AHNAK: variants seen among roughly 807,000 people sequenced by gnomAD.
The protein encoded by AHNAK is neuroblast differentiation-associated protein AHNAK.
AHNAK carries 23 observed loss-of-function variants against 37.8 expected under a neutral mutation model. That is an observed-to-expected ratio of 0.61 (90% CI 0.44 to 0.86). The LOEUF (loss-of-function observed/expected upper bound fraction) is 0.86. Among genes scored for constraint, AHNAK ranks in the 40% least tolerant of loss-of-function variants. The pLI is 0.00. For missense variants in AHNAK, 7,411 were observed against 7,319.4 expected, an observed-to-expected ratio of 1.01 and a Z score of -0.46; for synonymous variants, 2,481 against 2,636.3, an observed-to-expected ratio of 0.94 and a Z score of 1.80.
chr11:62,469,557 C>T (rs1938986794), intron 5 of AHNAK, among the ~76,000 whole-genome samples: 1 of 151,884 alleles, frequency 6.6e-6, no homozygotes, highest in Admixed American at 6.6e-5. Context: ...CTCCGCCTCC[C>T]AGGTTCAAGC....
At position 62,528,313 on chromosome 11, in the gene AHNAK, G is replaced by A. The variant is rs756019925; in HGVS notation, c.6104C>T (p.Pro2035Leu). Reference protein sequence around the residue: ...IKGPKMDIDAPDVDVHGPDWH... With the variant: ...IKGPKMDIDALDVDVHGPDWH... ...GTCTGGGCCATGAACATCCACATCT[G>A]GGGCATCAATGTCCATTTTGGGTCC... Residue 2035 changes from proline (P) to leucine (L), a missense_variant, in exon 5 of 5, where the codon CCA (proline) becomes CTA (leucine). Pro to Leu is a moderately conservative substitution (Grantham distance 98). Transcript: ENST00000378024. The A allele has an allele frequency of 6.2e-7, 1 of 1,614,106 alleles. No homozygotes were observed. The highest frequency in any genetic ancestry group is 1.1e-5 in the South Asian group (1 of 91,070).
chr11:62,483,443 C>T (rs938898773), intron 5 of AHNAK, among the ~76,000 whole-genome samples: 2 of 152,178 alleles, frequency 1.3e-5, no homozygotes, highest in South Asian at 2.1e-4. Context: ...CAAGAAAGGG[C>T]GGGCCGGGCG....
At position 62,526,241 on chromosome 11, in the gene AHNAK, C is replaced by A. The variant is rs749354718; in HGVS notation, c.8176G>T (p.Asp2726Tyr). 56 of 1,613,682 alleles carry A rather than the reference C, an allele frequency of 3.5e-5. No homozygotes were observed. The highest frequency in any genetic ancestry group is 4.6e-5 in the Non-Finnish European group (54 of 1,179,972). The change falls in exon 5 of 5, where the codon GAT becomes TAT. Residue 2726 changes from aspartate (D) to tyrosine (Y), a missense_variant. By Grantham distance (160) the Asp-to-Tyr change is radical. Coordinates refer to ENST00000378024, the MANE Select transcript of AHNAK (RefSeq NM_001620.3). ...CCTTCCACTTTAGGAAGGGAAACAT[C>A]CACATCACCCTTCACTTTGGGTCCT... is the stretch of plus-strand genomic sequence containing the variant. ...LKGPKVKGDVDVSLPKVEGDL... is the reference protein window; with the variant it reads ...LKGPKVKGDVYVSLPKVEGDL...
intron 1 of AHNAK, among the ~76,000 whole-genome samples, chr11:62,536,890 G>A (rs564251431): frequency 3.8e-4 from 58 of 152,212 alleles, no homozygotes; most frequent in African/African-American, 1.2e-3. Flanking sequence ...AGCACTGGCC[G>A]GCAGGAGCCG....
intron 4 of AHNAK, among the ~76,000 whole-genome samples, chr11:62,492,021 A>G (rs553515702): frequency 3.3e-5 from 5 of 152,298 alleles, no homozygotes; most frequent in African/African-American, 1.2e-4. Context: ...AAGATAACAG[A>G]GAATCTTTAG....
chr11:62,439,888 G>C (rs1160428286), intron 5 of AHNAK, among the ~76,000 whole-genome samples: 1 of 151,832 alleles, frequency 6.6e-6, no homozygotes, highest in East Asian at 1.9e-4. Context: ...GGCTGGTCTC[G>C]ATCTCCTGAC....
intron 5 of AHNAK, among the ~76,000 whole-genome samples, chr11:62,467,376 G>A (rs73498064): frequency 0.016 from 2,455 of 152,050 alleles, 67 homozygotes; most frequent in African/African-American, 0.057. Flanking sequence ...TCTCTACCTC[G>A]CCTAGCATTC....
chr11:62,497,786 C>T (rs914615962), intron 4 of AHNAK, among the ~76,000 whole-genome samples: 1 of 152,050 alleles, frequency 6.6e-6, no homozygotes, highest in African/African-American at 2.4e-5. Context: ...AATGACGAAA[C>T]TCCATCTCTA....
rs1940058984 is a variant in AHNAK at position 62,517,440 on chromosome 11, A to G, written c.16977T>C (p.Pro5659=). ...LESGSGKVTF[P]KMKIPKFTFS... ...AGGTAAATTTGGGGATCTTCATTTTAGGGAATGTTACTTTTCCAGATCCAC... is the reference window on the plus strand; with the variant it reads ...AGGTAAATTTGGGGATCTTCATTTTGGGGAATGTTACTTTTCCAGATCCAC... The change falls in exon 5 of 5, where the codon CCT becomes CCC. Residue 5659 remains proline, a synonymous_variant. Transcript: ENST00000378024. 1.2e-6 allele frequency: 2 copies of G among 1,614,152 alleles called. No individual in the cohort carries two copies. Among genetic ancestry groups the G allele is most frequent in the East Asian group, 4.5e-5 (2 of 44,890 alleles).
intron 5 of AHNAK, among the ~76,000 whole-genome samples, chr11:62,479,037 G>T (rs753597495): frequency 1.1e-4 from 16 of 151,928 alleles, no homozygotes; most frequent in Non-Finnish European, 1.9e-4. Context: ...CACTGCGCTC[G>T]GCTAATTTCT....
chr11:62,542,114 C>T (rs77869753), intron 1 of AHNAK: 1 of 152,358 alleles, frequency 6.6e-6, no homozygotes, highest in Non-Finnish European at 1.5e-5. Flanking sequence ...ACTTGGGCAC[C>T]TTCAAAGAAA....
intron 5 of AHNAK, among the ~76,000 whole-genome samples, chr11:62,456,657 G>C (rs2134816214): frequency 6.6e-6 from 1 of 152,212 alleles, no homozygotes; most frequent in African/African-American, 2.4e-5. Context: ...TCTCAGTGGT[G>C]GCATGTCACC....
chr11:62,516,603 G>A lies in AHNAK; in HGVS notation c.*141C>T, dbSNP rs572293115. 5.4e-6 allele frequency: 8 copies of A among 1,479,852 alleles called. No homozygotes were observed. The highest frequency in any genetic ancestry group is 2.8e-5 in the African/African-American group (2 of 71,270). The allele number at this position is 1,479,852 out of a possible 1,614,324, so 91.7% of individuals were successfully genotyped here. A position where few individuals can be genotyped will look rare whatever the true frequency, so the allele number is the denominator to read the frequency against. On this transcript the variant is annotated 3_prime_UTR_variant, in exon 5 of 5. Transcript: ENST00000378024. ...GCCTACAGGCGGTCGGTTTTTCAGCGCTTGCCACCGGGCCAGGCAAGGTCT... is the reference window on the plus strand; with the variant it reads ...GCCTACAGGCGGTCGGTTTTTCAGCACTTGCCACCGGGCCAGGCAAGGTCT...
chr11:62,536,068 G>A lies in AHNAK; in HGVS notation c.31C>T (p.Leu11=). The A allele has an allele frequency of 1.9e-6, 3 of 1,599,792 alleles. No individual in the cohort carries two copies. Among genetic ancestry groups the A allele is most frequent in the African/African-American group, 1.4e-5 (1 of 73,282 alleles). Residue 11 remains leucine (L), a synonymous_variant, in exon 3 of 5, where the codon CTG becomes TTG. Transcript: ENST00000378024. MEKEETTREL[L]LPNWQGSGSH... The stretch of plus-strand genomic sequence containing the variant: ...CCACTACCCTGCCAGTTGGGCAGCA[G>A]CAGCTCCCGGGTTGTCTCCTCCTTC...
rs189052089 is a variant in AHNAK at position 62,499,444 on chromosome 11, G to A, written c.343-7613C>T. On this transcript the variant is annotated intron_variant, in intron 4 of 5. Coordinates refer to the AHNAK transcript ENST00000257247. ...CGTGTGCCTGTAATCTCAGCTATTCGGGAGACTGAGGCAAGAGAATCGCTT... is the reference window on the plus strand; with the variant it reads ...CGTGTGCCTGTAATCTCAGCTATTCAGGAGACTGAGGCAAGAGAATCGCTT... 2.9e-3 allele frequency among the ~76,000 whole-genome samples: 446 copies of A among 152,236 alleles called. 4 individuals are homozygous for A. Among genetic ancestry groups the A allele is most frequent in the Middle Eastern group, 6.8e-3 (2 of 294 alleles).
rs899719566 is a variant in AHNAK at position 62,450,957 on chromosome 11, G to A, written c.443-17066C>T. ...GTGGTGGCTCACGCCTGTAATCGCG[G>A]CACTTTGGGAGGCCAAGGCGGGAGG... is the stretch of plus-strand genomic sequence containing the variant. On this transcript the variant is annotated intron_variant, in intron 5 of 5. Transcript: ENST00000257247. Among the ~76,000 whole-genome samples the A allele has an allele frequency of 3.9e-5, 6 of 152,220 alleles. 1 individual carries two copies. The highest frequency in any genetic ancestry group is 7.3e-5 in the Non-Finnish European group (5 of 68,042).
At position 62,521,295 on chromosome 11, in the gene AHNAK, C is replaced by A; in HGVS notation, c.13122G>T (p.Lys4374Asn). Residue 4374 changes from lysine (K) to asparagine (N), a missense_variant, in exon 5 of 5, where the codon AAG (lysine) becomes AAT (asparagine). Coordinates refer to ENST00000378024, the MANE Select transcript of AHNAK (RefSeq NM_001620.3). ...GGGCCTTGATGTTCATCTCTGGCAT[C>A]TTGAACTTTGGACCCTTGAGTTTTG... ...PDAKLKGPKF[K>N]MPEMNIKAPK... is the part of the protein sequence containing the mutation. The A allele has an allele frequency of 1.9e-6, 3 of 1,613,746 alleles. No homozygotes were observed. The highest frequency in any genetic ancestry group is 2.5e-6 in the Non-Finnish European group (3 of 1,179,928).
Position 62,532,126 on chromosome 11 carries a change from G to A in AHNAK, c.2291C>T (p.Ala764Val), listed in dbSNP as rs773435281. The A allele has an allele frequency of 1.4e-5, 23 of 1,613,500 alleles. No homozygotes were observed. The South Asian group carries it at 2.5e-4, about 18-fold the overall frequency. Residue 764 changes from alanine (A) to valine (V), a missense_variant, in exon 5 of 5, where the codon GCA becomes GTA. Ala to Val is a moderately conservative substitution (Grantham distance 64). Coordinates refer to ENST00000378024, the MANE Select transcript of AHNAK (RefSeq NM_001620.3). Reference protein sequence around the residue: ...MPKFSVPGFKAEGPEVDVNLP... With the variant: ...MPKFSVPGFKVEGPEVDVNLP... ...GTTCACATCCACTTCTGGGCCCTCTGCTTTGAACCCTGGCACACTGAATTT... is the reference window on the plus strand; with the variant it reads ...GTTCACATCCACTTCTGGGCCCTCTACTTTGAACCCTGGCACACTGAATTT...
At chr11:62,452,870 A>T (rs893699619) in intron 5 of AHNAK, among the ~76,000 whole-genome samples, 2 of 152,100 alleles carry the variant, frequency 1.3e-5, no homozygotes, top group African/African-American at 4.8e-5. Flanking sequence ...ACTAAAAATT[A>T]AAAAATTAGC....
Sources: allele counts gnomAD v4.1 joint callset (sites outside exome capture counted in the v4.1 genomes callset), GRCh38; gene constraint gnomAD v4.1.1; transcripts MANE v1.5; gene names NCBI Gene and HGNC (gene_info 2026-07-23, HGNC 2026-07-21).